The following CDKAL1 variants were observed in gnomAD, a reference collection of about 807,000 sequenced individuals.
CDKAL1 encodes threonylcarbamoyladenosine tRNA methylthiotransferase.
A neutral mutation model predicts 68.2 loss-of-function variants in CDKAL1; 32 were observed. The ratio of observed to expected loss-of-function variants is 0.47; its 90% CI spans 0.35 to 0.63. The LOEUF (loss-of-function observed/expected upper bound fraction) is 0.63, where lower values mean the gene tolerates loss of function less well. Ranked by LOEUF, CDKAL1 falls within the 30% of genes least tolerant of loss-of-function variation. The pLI is 0.00. For missense variants in CDKAL1, 606 were observed against 696.7 expected (o/e 0.87, Z 1.47); for synonymous variants, 234 against 244.3 (o/e 0.96, Z 0.39).
At chr6:20,541,702 C>T (rs1763394050) in intron 2 of CDKAL1, among the ~76,000 whole-genome samples, 1 of 152,040 alleles carries the variant, frequency 6.6e-6, no homozygotes, top group Admixed American at 6.6e-5. Flanking sequence ...CTCTTGTTGC[C>T]CAGGCTGGAG....
chr6:20,728,482 G>A (rs965558476), intron 5 of CDKAL1, among the ~76,000 whole-genome samples: 1 of 152,136 alleles, frequency 6.6e-6, no homozygotes, highest in Non-Finnish European at 1.5e-5. Flanking sequence ...AAAAAGAAGA[G>A]TGAATATGTA....
At position 21,200,597 on chromosome 6, in the gene CDKAL1, C is replaced by G. The variant is rs1428287037; in HGVS notation, c.1384-513C>G. 2.0e-5 allele frequency among the ~76,000 whole-genome samples: 3 copies of G among 152,212 alleles called. No homozygotes were observed. In the East Asian group the frequency reaches 5.8e-4, roughly 29 times the overall value. On this transcript the variant is annotated intron_variant, in intron 14 of 15. Coordinates refer to ENST00000274695, the MANE Select transcript of CDKAL1 (RefSeq NM_017774.3). ...AGTATAAGGCTTTCATCAGTATTGT[C>G]TCGGTTTTCCTCATTGCATGGAATA...
intron 9 of CDKAL1, among the ~76,000 whole-genome samples, chr6:20,860,358 C>A (rs988087931): frequency 6.6e-6 from 1 of 152,188 alleles, no homozygotes; most frequent in Admixed American, 6.5e-5. Context: ...GGATTACAGG[C>A]ATGAGCCACT....
At chr6:20,676,514 A>C (rs1770107104) in intron 5 of CDKAL1, among the ~76,000 whole-genome samples, 2 of 151,876 alleles carry the variant, frequency 1.3e-5, no homozygotes, top group Non-Finnish European at 2.9e-5. Flanking sequence ...AAAAATACAA[A>C]AAGTTAGCCA....
intron 8 of CDKAL1, among the ~76,000 whole-genome samples, chr6:20,801,531 A>G (rs1236651329): frequency 6.6e-6 from 1 of 152,210 alleles, no homozygotes; most frequent in Non-Finnish European, 1.5e-5. Flanking sequence ...GAAATTGCAG[A>G]CATCAGAACA....
At chr6:20,878,938 G>A (rs889935107) in intron 9 of CDKAL1, among the ~76,000 whole-genome samples, 1 of 151,616 alleles carries the variant, frequency 6.6e-6, no homozygotes, top group Non-Finnish European at 1.5e-5. Flanking sequence ...AATTAGTCAG[G>A]CATGGTGGCG....
intron 4 of CDKAL1, among the ~76,000 whole-genome samples, chr6:20,551,928 A>G (rs1021472246): frequency 6.6e-6 from 1 of 150,642 alleles, no homozygotes; most frequent in African/African-American, 2.4e-5. Flanking sequence ...AGGTCTCACT[A>G]TGTTTGCCCA....
At chr6:20,578,394 A>G (rs1160433983) in intron 4 of CDKAL1, among the ~76,000 whole-genome samples, 2 of 151,390 alleles carry the variant, frequency 1.3e-5, no homozygotes, top group East Asian at 1.9e-4. Flanking sequence ...TTCTGATTTC[A>G]CTTGTTCTTG....
At chr6:20,733,922 G>T (rs1773068662) in intron 5 of CDKAL1, among the ~76,000 whole-genome samples, 1 of 152,128 alleles carries the variant, frequency 6.6e-6, no homozygotes, top group Non-Finnish European at 1.5e-5. Flanking sequence ...GCTGAGGTGG[G>T]TGGATCCCTT....
intron 4 of CDKAL1, among the ~76,000 whole-genome samples, chr6:20,589,868 G>C (rs1765522067): frequency 6.6e-6 from 1 of 152,166 alleles, no homozygotes; most frequent in Non-Finnish European, 1.5e-5. Flanking sequence ...AAGGATTAGA[G>C]AAATGGTAGT....
intron 6 of CDKAL1, among the ~76,000 whole-genome samples, chr6:20,754,285 CCTGT>C (rs1774073004): frequency 1.4e-5 from 2 of 147,060 alleles, no homozygotes; most frequent in South Asian, 2.2e-4. Flanking sequence ...ACCTGGCCTG[CCTGT>C]CTTTTTGTTG....
chr6:20,834,464 C>T (rs372935237), intron 8 of CDKAL1, among the ~76,000 whole-genome samples: 16 of 152,192 alleles, frequency 1.1e-4, no homozygotes, highest in Admixed American at 6.5e-4. Flanking sequence ...TCTGTTTTCA[C>T]GAACCTAAGC....
intron 7 of CDKAL1, among the ~76,000 whole-genome samples, chr6:20,769,407 C>T (rs915937764): frequency 1.1e-4 from 17 of 151,960 alleles, no homozygotes; most frequent in Non-Finnish European, 2.5e-4. Flanking sequence ...TACAGACATG[C>T]ACCACTATGC....
intron 8 of CDKAL1, among the ~76,000 whole-genome samples, chr6:20,803,238 C>T (rs183868809): frequency 9.2e-5 from 14 of 152,264 alleles, no homozygotes; most frequent in Middle Eastern, 3.4e-3. Context: ...GTATAAGAGT[C>T]CCATGGCTTC....
chr6:21,155,155 T>C (rs930670142), intron 13 of CDKAL1, among the ~76,000 whole-genome samples: 5 of 152,234 alleles, frequency 3.3e-5, no homozygotes, highest in Non-Finnish European at 5.9e-5. Flanking sequence ...TTGTAAAAAA[T>C]TTTATAATTC....
At chr6:20,740,833 T>G (rs2150326013) in intron 6 of CDKAL1, among the ~76,000 whole-genome samples, 1 of 152,346 alleles carries the variant, frequency 6.6e-6, no homozygotes, top group East Asian at 1.9e-4. Context: ...GTTTACATTT[T>G]GATTTTTCTT....
chr6:20,819,414 A>G (rs1332795783), intron 8 of CDKAL1, among the ~76,000 whole-genome samples: 1 of 152,120 alleles, frequency 6.6e-6, no homozygotes, highest in Non-Finnish European at 1.5e-5. Flanking sequence ...CTCTATGAAT[A>G]TGATGATTTT....
At chr6:20,683,580 T>C (rs2127794831) in intron 5 of CDKAL1, among the ~76,000 whole-genome samples, 2 of 152,340 alleles carry the variant, frequency 1.3e-5, no homozygotes, top group East Asian at 3.9e-4. Context: ...CAGGTTTAGA[T>C]TCACAGCAAA....
chr6:20,881,436 A>G (rs954635017), intron 9 of CDKAL1, among the ~76,000 whole-genome samples: 1 of 152,170 alleles, frequency 6.6e-6, no homozygotes, highest in African/African-American at 2.4e-5. Context: ...TGAATTCTGT[A>G]TGCTTGTTAT....
Sources: allele counts gnomAD v4.1 joint callset (sites outside exome capture counted in the v4.1 genomes callset), GRCh38; gene constraint gnomAD v4.1.1; transcripts MANE v1.5; gene names NCBI Gene and HGNC (gene_info 2026-07-23, HGNC 2026-07-21).